The following AP3B1 variants were observed in gnomAD, a reference collection of about 807,000 sequenced individuals.
AP3B1 encodes the protein AP-3 complex subunit beta-1.
In AP3B1, 61 loss-of-function variants were observed where a neutral mutation model predicts 132.5. The observed-to-expected ratio is 0.46, with a 90% CI of 0.37 to 0.57. AP3B1 has a LOEUF of 0.57. Ranked by LOEUF, AP3B1 falls within the 20% of genes least tolerant of loss-of-function variation. The pLI, the probability that AP3B1 is intolerant of heterozygous loss-of-function variation, is 0.00. For missense variants in AP3B1, 1,120 were observed against 1,289.4 expected (o/e 0.87, Z 2.01); for synonymous variants, 388 against 438.3 (o/e 0.89, Z 1.43).
intron 14 of AP3B1, among the ~76,000 whole-genome samples, chr5:78,153,435 T>C (rs1352605547): frequency 6.6e-6 from 1 of 151,950 alleles, no homozygotes; most frequent in East Asian, 1.9e-4. Flanking sequence ...TTTCAGTCTA[T>C]GTCTATCATT....
chr5:78,069,971 G>A, intron 22 of AP3B1, among the ~76,000 whole-genome samples: 1 of 152,082 alleles, frequency 6.6e-6, no homozygotes, highest in Non-Finnish European at 1.5e-5. Flanking sequence ...TCTGATCTTT[G>A]ACAAAACGGA....
intron 17 of AP3B1, among the ~76,000 whole-genome samples, chr5:78,118,989 G>C (rs186635842): frequency 2.2e-3 from 334 of 152,254 alleles, no homozygotes; most frequent in African/African-American, 7.4e-3. Flanking sequence ...CCAGAGGAAC[G>C]ATCAGGCAGC....
intron 22 of AP3B1, among the ~76,000 whole-genome samples, chr5:78,073,004 GCCACCACGCCCAGC>G (rs1749607421): frequency 1.3e-5 from 2 of 152,078 alleles, no homozygotes; most frequent in South Asian, 4.1e-4. Context: ...ACAGGCGTGA[GCCACCACGCCCAGC>G]CCACGTCTGA....
rs1482070034 is a variant in AP3B1, at chr5:78,177,289, T to A, written c.1040+50A>T. 3 of 1,218,740 alleles carry A rather than the reference T, an allele frequency of 2.5e-6. No homozygotes were observed. In the Admixed American group the frequency reaches 5.2e-5, roughly 21 times the overall value. 75.5% of individuals were successfully genotyped at this position (1,218,740 alleles called of 1,614,324 possible). A position where few individuals can be genotyped will look rare whatever the true frequency, so the allele number is the denominator to read the frequency against. ...TGAAAGATTACATTTGTTCAAACAT[T>A]ACTTTTGAAGGAATACAAAAGAAAA... is the stretch of plus-strand genomic sequence containing the variant. On this transcript the variant is annotated intron_variant, in intron 9 of 26. Coordinates refer to ENST00000255194, the MANE Select transcript of AP3B1 (RefSeq NM_003664.5).
intron 22 of AP3B1, among the ~76,000 whole-genome samples, chr5:78,046,950 G>A (rs971657755): frequency 1.2e-4 from 18 of 152,048 alleles, no homozygotes; most frequent in Non-Finnish European, 2.2e-4. Context: ...GAGAACATGC[G>A]GTGTTTGGTT....
intron 21 of AP3B1, among the ~76,000 whole-genome samples, chr5:78,097,702 G>A (rs1750932006): frequency 6.6e-6 from 1 of 151,778 alleles, no homozygotes; most frequent in South Asian, 2.1e-4. Flanking sequence ...CAGGAGGTGA[G>A]GGGCGCCTCT....
rs868790473 is a variant in AP3B1, at chr5:78,254,211, T to C, written c.205-13275A>G. On this transcript the variant is annotated intron_variant, in intron 2 of 26. Transcript: ENST00000255194. ...AAGAATGAAGCATGCCTAAAAGATCTAGAAAACAGCCTCAAAAGGGCAAAT... is the reference window on the plus strand; with the variant it reads ...AAGAATGAAGCATGCCTAAAAGATCCAGAAAACAGCCTCAAAAGGGCAAAT... 1.1e-4 allele frequency among the ~76,000 whole-genome samples: 16 copies of C among 151,986 alleles called. 1 individual carries two copies. Among genetic ancestry groups the C allele is most frequent in the South Asian group, 6.2e-4 (3 of 4,824 alleles).
At chr5:78,162,700 T>C in intron 13 of AP3B1, 119 bp downstream of exon 13, 2 of 1,037,356 alleles carry the variant, frequency 1.9e-6, no homozygotes, top group East Asian at 2.5e-5. Context: ...ATTGTGACCA[T>C]ACTACTGATA....
chr5:78,250,315 A>T (rs1486519727), intron 2 of AP3B1, among the ~76,000 whole-genome samples: 1 of 152,234 alleles, frequency 6.6e-6, no homozygotes, highest in Non-Finnish European at 1.5e-5. Context: ...AAATAAAGGA[A>T]AAAACAGAAA....
chr5:78,062,929 G>T (rs1749121504), intron 22 of AP3B1, among the ~76,000 whole-genome samples: 1 of 152,182 alleles, frequency 6.6e-6, no homozygotes, highest in Non-Finnish European at 1.5e-5. Context: ...TCAATGTGAT[G>T]AGGTCAAATG....
At chr5:78,229,133 T>A (rs578033722) in intron 3 of AP3B1, among the ~76,000 whole-genome samples, 19 of 151,952 alleles carry the variant, frequency 1.3e-4, no homozygotes, top group Non-Finnish European at 2.2e-4. Context: ...GGTCTTCCTA[T>A]GTTGCCTACC....
intron 7 of AP3B1, among the ~76,000 whole-genome samples, chr5:78,197,055 G>C (rs1323355939): frequency 1.3e-5 from 2 of 152,106 alleles, no homozygotes; most frequent in African/African-American, 4.8e-5. Flanking sequence ...TAAATTCATT[G>C]ATCGTAATGT....
intron 17 of AP3B1, among the ~76,000 whole-genome samples, chr5:78,120,050 A>G (rs1300581516): frequency 1.3e-5 from 2 of 152,206 alleles, no homozygotes; most frequent in African/African-American, 4.8e-5. Flanking sequence ...ATGCTTAAAG[A>G]AAAGAATTTT....
rs1246793499 is a variant in AP3B1 at position 78,110,289 on chromosome 5, G to T, written c.2315C>A (p.Ser772Tyr). ...GGAAGAACTGTCTTCTATTGAACTA[G>T]ATTCGTCATTTGAAGAATCTGAAGT... ...SKTSDSSNDESSSIEDSSSDS... is the reference protein window; with the variant it reads ...SKTSDSSNDEYSSIEDSSSDS... The change falls in exon 20 of 27, where the codon TCT (serine) becomes TAT (tyrosine). Residue 772 changes from serine to tyrosine, a missense_variant. Around this residue, in one of 3 missense-constraint regions of AP3B1, gnomAD observed 906 missense variants for 997.1 expected, o/e 0.91. Transcript: ENST00000255194. 1.9e-6 allele frequency: 3 copies of T among 1,609,162 alleles called. No individual in the cohort carries two copies. Among genetic ancestry groups the T allele is most frequent in the Non-Finnish European group, 2.5e-6 (3 of 1,176,848 alleles).
chr5:78,207,182 C>T (rs761584296), intron 7 of AP3B1, among the ~76,000 whole-genome samples: 57 of 150,202 alleles, frequency 3.8e-4, no homozygotes, highest in Admixed American at 1.3e-3. Flanking sequence ...CATTTGCATC[C>T]GGGAGGCGGA....
At chr5:78,214,402 T>C (rs964636060) in intron 7 of AP3B1, among the ~76,000 whole-genome samples, 1 of 152,096 alleles carries the variant, frequency 6.6e-6, no homozygotes, top group East Asian at 1.9e-4. Context: ...CAGACAAATA[T>C]ACAAAAGCAG....
At chr5:78,133,457 A>G (rs1752769193) in intron 15 of AP3B1, among the ~76,000 whole-genome samples, 1 of 152,236 alleles carries the variant, frequency 6.6e-6, no homozygotes, top group Non-Finnish European at 1.5e-5. Flanking sequence ...GAGGTCTACA[A>G]ATTAACTGTG....
chr5:78,259,400 G>A (rs1409916785), intron 2 of AP3B1, among the ~76,000 whole-genome samples: 3 of 152,160 alleles, frequency 2.0e-5, no homozygotes, highest in Non-Finnish European at 4.4e-5. Flanking sequence ...AGGGGAGGTG[G>A]AGTGGTTAAT....
chr5:78,109,203 T>C (rs1751471558), intron 20 of AP3B1, among the ~76,000 whole-genome samples: 1 of 152,106 alleles, frequency 6.6e-6, no homozygotes, highest in Non-Finnish European at 1.5e-5. Context: ...GTTTTAAATA[T>C]AAATTCAAGT....
Sources: gnomAD v4.1 joint callset for allele counts (sites outside exome capture counted in the v4.1 genomes callset) on GRCh38, gnomAD v4.1.1 for gene constraint, gnomAD v4.1.1 regional missense constraint, MANE v1.5 for transcripts, NCBI Gene and HGNC (gene_info 2026-07-23, HGNC 2026-07-21) for gene names.